PPP1R10: variants seen among roughly 807,000 people sequenced by gnomAD.
The protein encoded by PPP1R10 is serine/threonine-protein phosphatase 1 regulatory subunit 10.
PPP1R10 carries 15 observed loss-of-function variants against 99.0 expected under a neutral mutation model. The observed-to-expected ratio is 0.15, with a 90% CI of 0.10 to 0.23. PPP1R10 has a LOEUF of 0.23. PPP1R10 is among the 10% of genes least tolerant of loss of function. The pLI is 1.00. For missense variants in PPP1R10, 947 were observed against 1,259.4 expected (o/e 0.75, Z 3.75); for synonymous variants, 430 against 449.5 (o/e 0.96, Z 0.55).
At chr6:30,601,784 G>A in intron 19 of PPP1R10, 126 bp from the exon 20 acceptor site, 2 of 1,307,788 alleles carry the variant, frequency 1.5e-6, no homozygotes, top group Non-Finnish European at 2.1e-6. Context: ...TGGGGGAAGG[G>A]CATAGAGTAG....
At position 30,609,360 on chromosome 6, in the gene PPP1R10, G is replaced by A. The variant is rs1359924046; in HGVS notation, c.108-197C>T. Among the ~76,000 whole-genome samples the A allele has an allele frequency of 6.6e-6, 1 of 152,152 alleles. No individual in the cohort carries two copies. Among genetic ancestry groups the A allele is most frequent in the Non-Finnish European group, 1.5e-5 (1 of 68,026 alleles). ...CTTATGGGAGAACAGAGACACCGCA[G>A]TCTCTGACCTGGGGAGGAGAGCATC... On this transcript the variant is annotated intron_variant, in intron 3 of 19. Transcript: ENST00000376511. This position sits in a 1 kb window ranked among gnomAD's most constrained non-coding sequence, Gnocchi z 4.5.
chr6:30,601,663 G>A lies in PPP1R10; in HGVS notation c.2714-5C>T, dbSNP rs1173104933. On this transcript the variant is annotated splice_polypyrimidine_tract_variant and splice_region_variant and intron_variant, in intron 19 of 19. Coordinates refer to ENST00000376511, the MANE Select transcript of PPP1R10 (RefSeq NM_002714.4). Reference sequence around the variant, plus strand: ...AGACAGGGCGGTTTGACATGTCTGTGGGAACGATGGCAAAACAGTTAGACA... The same window carrying A: ...AGACAGGGCGGTTTGACATGTCTGTAGGAACGATGGCAAAACAGTTAGACA... The A allele has an allele frequency of 1.9e-6, 3 of 1,612,726 alleles. No homozygotes were observed. The highest frequency in any genetic ancestry group is 3.3e-5 in the Admixed American group (2 of 60,000).
chr6:30,605,643 G>T (rs376833777), intron 10 of PPP1R10, among the ~76,000 whole-genome samples: 2 of 152,002 alleles, frequency 1.3e-5, no homozygotes, highest in African/African-American at 4.8e-5. Context: ...GGTGGATCAC[G>T]AGGTCAGGAA....
chr6:30,603,913 A>C, intron 14 of PPP1R10, 70 bp from the exon 15 acceptor site: 2 of 1,522,054 alleles, frequency 1.3e-6, no homozygotes, highest in Non-Finnish European at 8.8e-7. Context: ...CCTGAAAGTA[A>C]TTTCTAACCT....
At position 30,604,127 on chromosome 6, in the gene PPP1R10, G is replaced by C. The variant is rs775161695; in HGVS notation, c.1389C>G (p.Cys463Trp). 6.2e-7 allele frequency: 1 copy of C among 1,614,040 alleles called. No individual in the cohort carries two copies. Among genetic ancestry groups the C allele is most frequent in the South Asian group, 1.1e-5 (1 of 91,080 alleles). ...GTGAGGGCAGAACCAGGGGCCGGGG[G>C]CACACCCAGGGCACCTTCTCCTCCA... ...DNMEEKVPWVCPRPLVLPSPL... is the reference protein window; with the variant it reads ...DNMEEKVPWVWPRPLVLPSPL... The change falls in exon 14 of 20, where the codon TGC (cysteine) becomes TGG (tryptophan). Residue 463 changes from cysteine to tryptophan, a missense_variant. Physicochemically the swap from Cys to Trp is radical, Grantham distance 215 (BLOSUM62 -2). Around this residue, in one of 10 missense-constraint regions of PPP1R10, gnomAD observed 50 missense variants for 78.6 expected, o/e 0.64. Coordinates refer to ENST00000376511, the MANE Select transcript of PPP1R10 (RefSeq NM_002714.4). This position sits in a 1 kb window ranked among gnomAD's most constrained non-coding sequence, Gnocchi z 7.3.
At chr6:30,615,229 TAAAA>T (rs5875265) in intron 2 of PPP1R10, among the ~76,000 whole-genome samples, 2 of 109,754 alleles carry the variant, frequency 1.8e-5, no homozygotes. Context: ...ACCTTTTTAG[TAAAA>T]AAAAAAAAAA....
At position 30,600,996 on chromosome 6, in the gene PPP1R10, G is replaced by A. The variant is rs1803253498; in HGVS notation, c.*553C>T. On this transcript the variant is annotated 3_prime_UTR_variant, in exon 20 of 20. Coordinates refer to ENST00000376511, the MANE Select transcript of PPP1R10 (RefSeq NM_002714.4). ...GGACTAAGAATGGTGAGCCCACGCT[G>A]GGGGAGGGGTGGGGATGATGTGTGT... 1 of 153,220 alleles carries A rather than the reference G, an allele frequency of 6.5e-6. No homozygotes were observed. The highest frequency in any genetic ancestry group is 2.4e-5 in the African/African-American group (1 of 41,432). 9.5% of individuals were successfully genotyped at this position (153,220 alleles called of 1,614,324 possible).
At position 30,602,712 on chromosome 6, in the gene PPP1R10, GAGAC is replaced by G. The variant is rs752710569; in HGVS notation, c.1958-25_1958-22del. ...GGGACCTGTAAGGGGACAAAAAAGA[GAGAC>G]AGTATCAGCTACCAGGAACTGCCAT... On this transcript the variant is annotated intron_variant, in intron 18 of 19. Coordinates refer to ENST00000376511, the MANE Select transcript of PPP1R10 (RefSeq NM_002714.4). The surrounding 1 kb of genome is among the most constrained non-coding windows in gnomAD (Gnocchi z 6.7). 70 of 1,603,384 alleles carry G rather than the reference GAGAC, an allele frequency of 4.4e-5. No individual in the cohort carries two copies. In the African/African-American group the frequency reaches 4.8e-4, roughly 11 times the overall value.
chr6:30,611,697 G>C (rs902509939), intron 2 of PPP1R10, among the ~76,000 whole-genome samples: 2 of 152,180 alleles, frequency 1.3e-5, no homozygotes, highest in African/African-American at 4.8e-5. Context: ...AGGCAGCCAG[G>C]AAGGGTAGGA....
chr6:30,615,194 G>A (rs1303263715), intron 2 of PPP1R10, among the ~76,000 whole-genome samples: 1 of 149,356 alleles, frequency 6.7e-6, no homozygotes, highest in Admixed American at 6.7e-5. Context: ...CGGCTCTGCC[G>A]GTAGCTTCAG....
rs1803435636 is a variant in PPP1R10 at position 30,602,379 on chromosome 6, G to A, written c.2270C>T (p.Pro757Leu). The change falls in exon 19 of 20, where the codon CCT (proline) becomes CTT (leucine). Residue 757 changes from proline (P) to leucine (L), a missense_variant. Transcript: ENST00000376511. The surrounding 1 kb of genome is among the most constrained non-coding windows in gnomAD (Gnocchi z 6.7). ...GGGGHRPHEG[P>L]GGGMGNSSGH... ...ACTGCTGTTGCCCATGCCCCCACCA[G>A]GGCCTTCGTGAGGACGATGCCCACC... The A allele has an allele frequency of 1.2e-6, 2 of 1,612,760 alleles. No individual in the cohort carries two copies. The highest frequency in any genetic ancestry group is 1.3e-5 in the African/African-American group (1 of 74,962).
At position 30,606,602 on chromosome 6, in the gene PPP1R10, C is replaced by T. The variant is rs375999767; in HGVS notation, c.500G>A (p.Arg167Gln). 5 of 1,614,044 alleles carry T rather than the reference C, an allele frequency of 3.1e-6. No homozygotes were observed. The highest frequency in any genetic ancestry group is 2.2e-5 in the East Asian group (1 of 44,898). Residue 167 changes from arginine to glutamine, a missense_variant, in exon 8 of 20, where the codon CGA (arginine) becomes CAA (glutamine). Around this residue, in one of 10 missense-constraint regions of PPP1R10, gnomAD observed 92 missense variants for 159.2 expected, o/e 0.58. Coordinates refer to ENST00000376511, the MANE Select transcript of PPP1R10 (RefSeq NM_002714.4). This position sits in a 1 kb window ranked among gnomAD's most constrained non-coding sequence, Gnocchi z 6.3. ...KKKRKDEGKSRTTLPERPLTE... is the reference protein window; with the variant it reads ...KKKRKDEGKSQTTLPERPLTE... ...CAAAGGTCGCTCAGGAAGGGTAGTT[C>T]GACTTTTTCCTTCATCTTTACGTTT...
In PPP1R10 at chr6:30,602,497, G is replaced by A. The variant is rs781311641; in HGVS notation, c.2152C>T (p.Pro718Ser). ...GGRGGNEPPP[P>S]PPPFRGARGG... ...CTGGCGCCTCGGAATGGAGGAGGAG[G>A]AGGAGGAGGTTCGTTTCCTCCTCGG... The change falls in exon 19 of 20, where the codon CCT (proline) becomes TCT (serine). Residue 718 changes from proline to serine, a missense_variant. Physicochemically the swap from Pro to Ser is moderately conservative, Grantham distance 74 (BLOSUM62 -1). Transcript: ENST00000376511. This position sits in a 1 kb window ranked among gnomAD's most constrained non-coding sequence, Gnocchi z 6.7. 5.7e-6 allele frequency: 9 copies of A among 1,576,976 alleles called. No individual in the cohort carries two copies. The highest frequency in any genetic ancestry group is 2.7e-5 in the African/African-American group (2 of 73,700).
intron 2 of PPP1R10, among the ~76,000 whole-genome samples, chr6:30,615,782 T>C (rs1266813816): frequency 6.6e-6 from 1 of 152,194 alleles, no homozygotes; most frequent in Non-Finnish European, 1.5e-5. Context: ...AGACATTCTT[T>C]ACCTCCCCAA....
chr6:30,604,752 G>C lies in PPP1R10; in HGVS notation c.955-17C>G. The C allele has an allele frequency of 6.2e-7, 1 of 1,612,892 alleles. No individual in the cohort carries two copies. The highest frequency in any genetic ancestry group is 1.3e-5 in the African/African-American group (1 of 75,042). ...GGGGCTTGGCTATTGTGAAAGAAAA[G>C]GAAGTTAATGAACTGACTGGAAAGC... On this transcript the variant is annotated splice_polypyrimidine_tract_variant and intron_variant, in intron 11 of 19. Transcript: ENST00000376511. This position sits in a 1 kb window ranked among gnomAD's most constrained non-coding sequence, Gnocchi z 7.3.
intron 2 of PPP1R10, among the ~76,000 whole-genome samples, chr6:30,613,151 C>T (rs917753663): frequency 1.3e-5 from 2 of 152,168 alleles, no homozygotes; most frequent in African/African-American, 2.4e-5. Flanking sequence ...CAGAGATAAA[C>T]GTCTGTGACA....
intron 2 of PPP1R10, among the ~76,000 whole-genome samples, chr6:30,612,767 G>A (rs1476855043): frequency 1.3e-5 from 2 of 152,112 alleles, no homozygotes; most frequent in Non-Finnish European, 2.9e-5. Context: ...CAATTTCCAA[G>A]GCGCTCAAGT....
chr6:30,606,147 T>C lies in PPP1R10; in HGVS notation c.731A>G (p.Lys244Arg), dbSNP rs1456879250. The change falls in exon 9 of 20, where the codon AAA becomes AGA. Residue 244 changes from lysine (K) to arginine (R), a missense_variant. By Grantham distance (26) the Lys-to-Arg change is conservative. This residue lies in a region of PPP1R10 where 92 missense variants were observed against 159.2 expected (regional missense o/e 0.58). Transcript: ENST00000376511. This position sits in a 1 kb window ranked among gnomAD's most constrained non-coding sequence, Gnocchi z 6.3. ...AGAATATGGTCCATACCTCTGACGT[T>C]TGAGGGGGATGGGTTTAAGGTTGTA... is the stretch of plus-strand genomic sequence containing the variant. ...DKYNLKPIPL[K>R]RQSNVAAPGD... 2.4e-5 allele frequency: 38 copies of C among 1,613,926 alleles called. No individual in the cohort carries two copies. Among genetic ancestry groups the C allele is most frequent in the Non-Finnish European group, 2.7e-5 (32 of 1,179,982 alleles).
In PPP1R10 at chr6:30,604,927, G is replaced by A. The variant is rs1172623495; in HGVS notation, c.954+67C>T. On this transcript the variant is annotated intron_variant, in intron 11 of 19. Coordinates refer to ENST00000376511, the MANE Select transcript of PPP1R10 (RefSeq NM_002714.4). The surrounding 1 kb of genome is among the most constrained non-coding windows in gnomAD (Gnocchi z 7.3). The stretch of plus-strand genomic sequence containing the variant: ...TTGTCCTCCCCGACAACTCCTAGCT[G>A]CTGTGCCCTTTCTTCTACTTTACCT... 6.4e-7 allele frequency: 1 copy of A among 1,553,964 alleles called. No homozygotes were observed. The highest frequency in any genetic ancestry group is 1.7e-5 in the Admixed American group (1 of 59,246).
Sources: gnomAD v4.1 joint callset for allele counts (sites outside exome capture counted in the v4.1 genomes callset) on GRCh38, gnomAD v4.1.1 for gene constraint, gnomAD v4.1.1 regional missense constraint, Gnocchi (gnomAD v3.1) non-coding constraint, MANE v1.5 for transcripts, NCBI Gene and HGNC (gene_info 2026-07-23, HGNC 2026-07-21) for gene names.